TTN: variants seen among roughly 807,000 people sequenced by gnomAD.
The protein encoded by TTN is connectin.
TTN carries 1,525 observed loss-of-function variants against 3,223.0 expected under a neutral mutation model. That is an observed-to-expected ratio of 0.47 (90% CI 0.45 to 0.49). TTN has a LOEUF of 0.49. Among genes scored for constraint, TTN ranks in the 20% least tolerant of loss-of-function variants. The pLI is 0.00. For synonymous variants in TTN, 14,094 were observed against 15,161.0 expected (o/e 0.93, Z 5.17); for missense variants, 40,786 against 43,424.0 (o/e 0.94, Z 5.40).
In TTN at chr2:178,620,055, C is replaced by A; in HGVS notation, c.46362G>T (p.Leu15454=). Residue 15454 remains leucine, a synonymous_variant, in exon 249 of 363, where the codon CTG becomes CTT. Coordinates refer to ENST00000589042, the MANE Select transcript of TTN (RefSeq NM_001267550.2). The part of the protein sequence containing the change: ...IHRLIIKDCR[L]DDECEYACGV... ...CGCAAGCATATTCACACTCATCATC[C>A]AGCCTGCAATCTTTTATAATGAGTC... 2 of 1,611,920 alleles carry A rather than the reference C, an allele frequency of 1.2e-6. No individual in the cohort carries two copies. The highest frequency in any genetic ancestry group is 1.7e-6 in the Non-Finnish European group (2 of 1,178,802).
chr2:178,536,749 T>A (rs1691703385), intron 356 of TTN, 174 bp from the exon 357 acceptor site: 6 of 791,374 alleles, frequency 7.6e-6, no homozygotes, highest in Non-Finnish European at 9.3e-6. Flanking sequence ...AAGTTCTATT[T>A]TTACAATGGG....
intron 47 of TTN, chr2:178,749,367 T>C: frequency 6.2e-7 from 1 of 1,613,178 alleles, no homozygotes; most frequent in Non-Finnish European, 8.5e-7. Context: ...TTGCTGATTT[T>C]TATGGTTCTT....
chr2:178,647,347 T>C (rs2062176050), intron 214 of TTN, 34 bp downstream of exon 214: 2 of 1,544,184 alleles, frequency 1.3e-6, no homozygotes, highest in African/African-American at 2.7e-5. Context: ...AAGACAATTG[T>C]CATCTTTCCA....
At position 178,705,159 on chromosome 2, in the gene TTN, T is replaced by C. The variant is rs772429079; in HGVS notation, c.29604+15A>G. On this transcript the variant is annotated intron_variant, in intron 103 of 362. Coordinates refer to ENST00000589042, the MANE Select transcript of TTN (RefSeq NM_001267550.2). ...GTGACTTTTTTAGCATGATGCTATA[T>C]ATGAAGGAGCATACCAGTCTATGTG... The C allele has an allele frequency of 1.9e-5, 30 of 1,608,480 alleles. No individual in the cohort carries two copies. Among genetic ancestry groups the C allele is most frequent in the Non-Finnish European group, 2.3e-5 (27 of 1,178,306 alleles).
chr2:178,750,636 C>G, intron 47 of TTN: 2 of 1,612,666 alleles, frequency 1.2e-6, no homozygotes, highest in Non-Finnish European at 8.5e-7. Flanking sequence ...TCCTTCTGTT[C>G]GGTTTTGAAT....
At position 178,693,593 on chromosome 2, in the gene TTN, A is replaced by T. The variant is rs552832521; in HGVS notation, c.31594+16T>A. 6.6e-7 allele frequency: 1 copy of T among 1,525,418 alleles called. No individual in the cohort carries two copies. Among genetic ancestry groups the T allele is most frequent in the Non-Finnish European group, 8.9e-7 (1 of 1,125,376 alleles). 94.5% of individuals were successfully genotyped at this position (1,525,418 alleles called of 1,614,324 possible). A position where few individuals can be genotyped will look rare whatever the true frequency, so the allele number is the denominator to read the frequency against. On this transcript the variant is annotated intron_variant, in intron 119 of 362. Coordinates refer to ENST00000589042, the MANE Select transcript of TTN (RefSeq NM_001267550.2). ...TTTTATTAAAAGAGTTTAAACTTAG[A>T]ATGAATTACTAATACCTTTAGGTGG...
At chr2:178,670,073 A>C (rs2066706854) in intron 157 of TTN, 145 bp downstream of exon 157, 2 of 529,266 alleles carry the variant, frequency 3.8e-6, no homozygotes, top group African/African-American at 4.0e-5. Context: ...ATTGCCTCAA[A>C]AGGCAGGATT....
rs773542514 is a variant in TTN at position 178,535,324 on chromosome 2, G to A, written c.101291C>T (p.Ala33764Val). Residue 33764 changes from alanine (A) to valine (V), a missense_variant, in exon 358 of 363, where the codon GCT becomes GTT. Physicochemically the swap from Ala to Val is moderately conservative, Grantham distance 64. Transcript: ENST00000589042. Reference protein sequence around the residue: ...GKTSYQFRVIAENKFGLSKPS... With the variant: ...GKTSYQFRVIVENKFGLSKPS... ...CTTGCTCAGACCAAATTTATTTTCA[G>A]CTATTACCCGGAACTGGTAACTTGT... is the stretch of plus-strand genomic sequence containing the variant. 159 of 1,613,720 alleles carry A rather than the reference G, an allele frequency of 9.9e-5. No individual in the cohort carries two copies. Among genetic ancestry groups the A allele is most frequent in the Non-Finnish European group, 1.3e-4 (152 of 1,179,850 alleles).
rs79232842 is a variant in TTN at position 178,685,543 on chromosome 2, C to T, written c.32367G>A (p.Lys10789=). The change falls in exon 128 of 363, where the codon AAG becomes AAA. Residue 10789 remains lysine (K), a synonymous_variant. Coordinates refer to ENST00000589042, the MANE Select transcript of TTN (RefSeq NM_001267550.2). ...CTTCAGCTGGCTCAGCTTCCACTCT[C>T]TTAGAAATAATGTGCAGCTTTTCTT... is the stretch of plus-strand genomic sequence containing the variant. ...VVEEKLHIIS[K]RVEAEPAEVT... 3.8e-4 allele frequency: 611 copies of T among 1,613,562 alleles called. 5 individuals carry two copies. In the African/African-American group the frequency reaches 6.9e-3, roughly 18 times the overall value.
In TTN at chr2:178,721,996, C is replaced by T. The variant is rs374344734; in HGVS notation, c.22667G>A (p.Arg7556His). The T allele has an allele frequency of 6.5e-5, 105 of 1,613,416 alleles. No individual in the cohort carries two copies. The highest frequency in any genetic ancestry group is 6.3e-4 in the South Asian group (57 of 91,060). Residue 7556 changes from arginine to histidine, a missense_variant, in exon 78 of 363, where the codon CGT becomes CAT. Coordinates refer to ENST00000589042, the MANE Select transcript of TTN (RefSeq NM_001267550.2). Reference protein sequence around the residue: ...ITWSKDNKEIRPGGNYTITCV... With the variant: ...ITWSKDNKEIHPGGNYTITCV... ...TGTGATTGTATAGTTTCCTCCAGGACGGATCTCCTTGTTATCTTTTGACCA... is the reference window on the plus strand; with the variant it reads ...TGTGATTGTATAGTTTCCTCCAGGATGGATCTCCTTGTTATCTTTTGACCA...
intron 147 of TTN, 85 bp downstream of exon 147, chr2:178,677,116 A>T: frequency 1.2e-6 from 1 of 833,028 alleles, no homozygotes; most frequent in Non-Finnish European, 1.6e-6. Context: ...TTTTGTAAAT[A>T]TAATTTTCCT....
At chr2:178,725,747 A>T (rs1472969184) in intron 70 of TTN, 21 bp downstream of exon 70, 6 of 1,564,768 alleles carry the variant, frequency 3.8e-6, no homozygotes. Flanking sequence ...CATTTCTGCC[A>T]TGTGGATGAA....
intron 240 of TTN, among the ~76,000 whole-genome samples, chr2:178,628,103 G>T (rs1028983089): frequency 6.6e-6 from 1 of 152,038 alleles, no homozygotes; most frequent in Non-Finnish European, 1.5e-5. Context: ...AGACCAAGAA[G>T]ATCTTATTAT....
At position 178,532,025 on chromosome 2, in the gene TTN, G is replaced by T. The variant is rs756640084; in HGVS notation, c.104590C>A (p.Pro34864Thr). Residue 34864 changes from proline (P) to threonine (T), a missense_variant, in exon 358 of 363, where the codon CCG (proline) becomes ACG (threonine). Coordinates refer to ENST00000589042, the MANE Select transcript of TTN (RefSeq NM_001267550.2). ...GTGTCATCTTCGTATTCCTCAGCCG[G>T]TTGTGGACGTGACCGGATCAGCTCA... Reference protein sequence around the residue: ...VSELIRSRPQPAEEYEDDTER... With the variant: ...VSELIRSRPQTAEEYEDDTER... 2.4e-5 allele frequency: 38 copies of T among 1,613,766 alleles called. 1 individual carries two copies. The Admixed American group carries it at 5.7e-4, about 24-fold the overall frequency.
chr2:178,726,011 C>G lies in TTN; in HGVS notation c.20311G>C (p.Glu6771Gln), dbSNP rs750614578. Residue 6771 changes from glutamate to glutamine, a missense_variant, in exon 70 of 363, where the codon GAA (glutamate) becomes CAA (glutamine). Transcript: ENST00000589042. ...CTGACTTCAGCATTTTTAAGGGTTT[C>G]TACTATAGGAGGGAAGCTGCTAAAA... is the stretch of plus-strand genomic sequence containing the variant. ...PVFSSFPPIV[E>Q]TLKNAEVSLE... 2.5e-6 allele frequency: 4 copies of G among 1,572,062 alleles called. No homozygotes were observed. The highest frequency in any genetic ancestry group is 8.6e-7 in the Non-Finnish European group (1 of 1,156,396).
Position 178,585,216 on chromosome 2 carries a change from A to G in TTN, c.64528T>C (p.Ser21510Pro). Residue 21510 changes from serine (S) to proline (P), a missense_variant, in exon 309 of 363, where the codon TCC becomes CCC. Coordinates refer to ENST00000589042, the MANE Select transcript of TTN (RefSeq NM_001267550.2). ...GCTTTATGCACTGCCAGGTGGCTGG[A>G]TGTGACAACTTCATCTTCTCCTTTT... The part of the protein sequence containing the change: ...WKKGEDEVVT[S>P]SHLAVHKADS... The G allele has an allele frequency of 6.2e-7, 1 of 1,613,308 alleles. No homozygotes were observed. The highest frequency in any genetic ancestry group is 1.1e-5 in the South Asian group (1 of 91,036).
intron 1 of TTN, among the ~76,000 whole-genome samples, chr2:178,805,992 TAG>T (rs1168421691): frequency 6.6e-5 from 10 of 152,224 alleles, no homozygotes; most frequent in Non-Finnish European, 1.2e-4. Flanking sequence ...TGTTCTGAAA[TAG>T]AACATTTCTG....
At position 178,549,116 on chromosome 2, in the gene TTN, G is replaced by C; in HGVS notation, c.92510C>G (p.Thr30837Ser). ...VVKVTDTSKT[T>S]VSLEWSKPVF... ...TGGTTTGGACCATTCTAAGCTCACA[G>C]TTGTCTTTGATGTGTCTGTTACTTT... The change falls in exon 339 of 363, where the codon ACT (threonine) becomes AGT (serine). Residue 30837 changes from threonine to serine, a missense_variant. By Grantham distance (58) the Thr-to-Ser change is moderately conservative. Coordinates refer to ENST00000589042, the MANE Select transcript of TTN (RefSeq NM_001267550.2). 6.2e-7 allele frequency: 1 copy of C among 1,613,886 alleles called. No homozygotes were observed. The highest frequency in any genetic ancestry group is 8.5e-7 in the Non-Finnish European group (1 of 1,179,824).
chr2:178,698,098 T>C (rs1250811136), intron 112 of TTN, among the ~76,000 whole-genome samples: 1 of 152,196 alleles, frequency 6.6e-6, no homozygotes, highest in Non-Finnish European at 1.5e-5. Context: ...TGTGACAACA[T>C]GGATAGAACT....
Sources: allele counts gnomAD v4.1 joint callset (sites outside exome capture counted in the v4.1 genomes callset), GRCh38; gene constraint gnomAD v4.1.1; transcripts MANE v1.5; gene names NCBI Gene and HGNC (gene_info 2026-07-23, HGNC 2026-07-21).